Variants in SRC observed in about 807,000 individuals in gnomAD.
SRC encodes SRC proto-oncogene, non-receptor tyrosine kinase, also known as proto-oncogene tyrosine-protein kinase Src.
A neutral mutation model predicts 62.9 loss-of-function variants in SRC; 13 were observed. The ratio of observed to expected loss-of-function variants is 0.21; its 90% CI spans 0.13 to 0.33. The LOEUF is 0.33. Among genes scored for constraint, SRC ranks in the 10% least tolerant of loss-of-function variants. The pLI, the probability that SRC is intolerant of heterozygous loss-of-function variation, is 1.00. For synonymous variants in SRC, 302 were observed against 317.5 expected, an observed-to-expected ratio of 0.95 and a Z score of 0.52; for missense variants, 457 against 737.3, an observed-to-expected ratio of 0.62 and a Z score of 4.40.
chr20:37,373,373 T>C (rs1269420079), intron 2 of SRC, among the ~76,000 whole-genome samples: 1 of 147,658 alleles, frequency 6.8e-6, no homozygotes, highest in African/African-American at 2.6e-5. Flanking sequence ...CATACACATA[T>C]ATGTACATTA....
chr20:37,366,832 T>C (rs1221462939), intron 2 of SRC, among the ~76,000 whole-genome samples: 2 of 152,232 alleles, frequency 1.3e-5, no homozygotes, highest in Non-Finnish European at 2.9e-5. Flanking sequence ...TTCTGGACAT[T>C]CATGCACAAG....
chr20:37,369,975 T>G (rs1600975188), intron 2 of SRC, among the ~76,000 whole-genome samples: 1 of 152,202 alleles, frequency 6.6e-6, no homozygotes, highest in East Asian at 1.9e-4. Context: ...AATTTTTGTA[T>G]TTTTAGTAGA....
chr20:37,403,448 C>T lies in SRC; in HGVS notation c.*69C>T. On this transcript the variant is annotated 3_prime_UTR_variant, in exon 14 of 14. Coordinates refer to ENST00000373578, the MANE Select transcript of SRC (RefSeq NM_198291.3). This position sits in a 1 kb window ranked among gnomAD's most constrained non-coding sequence, Gnocchi z 7.1. ...TGGGTGGCCCCTGTCTCGGGGCTTG[C>T]CCCACTCTGCCTGCCTGCTGTTGGT... 1.4e-6 allele frequency: 2 copies of T among 1,453,190 alleles called. No individual in the cohort carries two copies. Among genetic ancestry groups the T allele is most frequent in the African/African-American group, 1.4e-5 (1 of 71,094 alleles). 90.0% of individuals were successfully genotyped at this position (1,453,190 alleles called of 1,614,324 possible).
At position 37,392,218 on chromosome 20, in the gene SRC, T is replaced by G. The variant is rs539654924; in HGVS notation, c.351-1677T>G. 5.3e-5 allele frequency among the ~76,000 whole-genome samples: 8 copies of G among 152,254 alleles called. No individual in the cohort carries two copies. In the South Asian group the frequency reaches 1.7e-3, roughly 32 times the overall value. On this transcript the variant is annotated intron_variant, in intron 5 of 13. Coordinates refer to ENST00000373578, the MANE Select transcript of SRC (RefSeq NM_198291.3). ...CCACACAGCCCCAGTCACACCCCCT[T>G]GCCTCACTCCATCAGGAGGGGACAC...
intron 1 of SRC, among the ~76,000 whole-genome samples, chr20:37,359,229 C>T (rs2069929259): frequency 6.6e-6 from 1 of 152,234 alleles, no homozygotes; most frequent in Admixed American, 6.5e-5. Context: ...TAGGTGGGGC[C>T]CATCCGTCGG....
intron 1 of SRC, among the ~76,000 whole-genome samples, chr20:37,347,418 G>A (rs939702225): frequency 6.6e-6 from 1 of 152,212 alleles, no homozygotes; most frequent in Non-Finnish European, 1.5e-5. Flanking sequence ...GTCCCTATAC[G>A]TGAAATGAGA....
At chr20:37,391,781 G>C (rs2147082972) in intron 5 of SRC, among the ~76,000 whole-genome samples, 1 of 152,298 alleles carries the variant, frequency 6.6e-6, no homozygotes, top group South Asian at 2.1e-4. Flanking sequence ...TTGAACCTGG[G>C]AGGTGAAGTT....
At position 37,403,347 on chromosome 20, in the gene SRC, G is replaced by C; in HGVS notation, c.1579G>C (p.Glu527Gln). The change falls in exon 14 of 14, where the codon GAG (glutamate) becomes CAG (glutamine). Residue 527 changes from glutamate to glutamine, a missense_variant. Glu to Gln is a conservative substitution (Grantham distance 29). This residue lies in a region of SRC where 168 missense variants were observed against 357.8 expected (regional missense o/e 0.47). Transcript: ENST00000373578. The surrounding 1 kb of genome is among the most constrained non-coding windows in gnomAD (Gnocchi z 7.1). ...CCTGGAGGACTACTTCACGTCCACC[G>C]AGCCCCAGTACCAGCCCGGGGAGAA... ...AFLEDYFTST[E>Q]PQYQPGENL 1 of 1,606,472 alleles carries C rather than the reference G, an allele frequency of 6.2e-7. No homozygotes were observed. Among genetic ancestry groups the C allele is most frequent in the Non-Finnish European group, 8.5e-7 (1 of 1,177,410 alleles).
chr20:37,368,464 A>C (rs1468244668), intron 2 of SRC, among the ~76,000 whole-genome samples: 4 of 125,994 alleles, frequency 3.2e-5, no homozygotes, highest in Non-Finnish European at 7.3e-5. Flanking sequence ...AACCAACCAA[A>C]CAAACAAAAA....
rs372725234 is a variant in SRC, at chr20:37,363,797, G to C, written c.-246-1407G>C. 4.6e-5 allele frequency among the ~76,000 whole-genome samples: 7 copies of C among 152,336 alleles called. No homozygotes were observed. In the East Asian group the frequency reaches 1.4e-3, roughly 29 times the overall value. On this transcript the variant is annotated intron_variant, in intron 1 of 13. Coordinates refer to ENST00000373578, the MANE Select transcript of SRC (RefSeq NM_198291.3). ...TCTGGGTGGCCGTCCCGGTTAGGGA[G>C]ACATGCAGAGCGTTAGGGATTGTCA...
At chr20:37,387,227 G>C (rs2070471062) in intron 5 of SRC, among the ~76,000 whole-genome samples, 1 of 152,218 alleles carries the variant, frequency 6.6e-6, no homozygotes, top group Non-Finnish European at 1.5e-5. Context: ...CCCTTTGCCT[G>C]AAATGCCCTT....
chr20:37,386,340 C>A, intron 5 of SRC, 166 bp downstream of exon 5: 2 of 749,020 alleles, frequency 2.7e-6, no homozygotes, highest in South Asian at 2.8e-5. Flanking sequence ...TCGCCCTGGG[C>A]AGCACCTGCT....
intron 4 of SRC, among the ~76,000 whole-genome samples, chr20:37,385,818 A>G (rs2070445747): frequency 6.6e-6 from 1 of 152,234 alleles, no homozygotes; most frequent in African/African-American, 2.4e-5. Context: ...GCCAGCACCC[A>G]GCACTGCCCA....
intron 1 of SRC, among the ~76,000 whole-genome samples, chr20:37,357,482 T>G (rs2146921802): frequency 6.6e-6 from 1 of 152,352 alleles, no homozygotes; most frequent in South Asian, 2.1e-4. Flanking sequence ...GGCCAGTGTC[T>G]GTTCTGACCC....
At chr20:37,373,278 A>G (rs879596332) in intron 2 of SRC, among the ~76,000 whole-genome samples, 1 of 151,840 alleles carries the variant, frequency 6.6e-6, no homozygotes, top group African/African-American at 2.4e-5. Flanking sequence ...GCACACACAC[A>G]CACACATATT....
At chr20:37,353,942 A>T (rs1314107326) in intron 1 of SRC, among the ~76,000 whole-genome samples, 1 of 152,202 alleles carries the variant, frequency 6.6e-6, no homozygotes, top group Non-Finnish European at 1.5e-5. Flanking sequence ...CATCTGAAAA[A>T]TGAGCCTAGT....
At chr20:37,389,586 G>A (rs2070513096) in intron 5 of SRC, among the ~76,000 whole-genome samples, 1 of 152,180 alleles carries the variant, frequency 6.6e-6, no homozygotes, top group Non-Finnish European at 1.5e-5. Flanking sequence ...CAGCTGTGGT[G>A]CACCAGCTCA....
intron 3 of SRC, among the ~76,000 whole-genome samples, chr20:37,383,059 A>G (rs1417039524): frequency 6.6e-6 from 1 of 152,212 alleles, no homozygotes; most frequent in Non-Finnish European, 1.5e-5. Context: ...GCCACACCCC[A>G]TGCTAGGCAC....
chr20:37,396,711 C>T lies in SRC; in HGVS notation c.703+400C>T. 5.0e-6 allele frequency: 1 copy of T among 201,114 alleles called. No homozygotes were observed. Among genetic ancestry groups the T allele is most frequent in the South Asian group, 1.1e-4 (1 of 9,202 alleles). The allele number at this position is 201,114 out of a possible 1,614,324, so 12.5% of individuals were successfully genotyped here. ...TTGCTGGGAGAGGAGGAGGGGGCGG[C>T]CAGATCGATTGCAGCAAAGAGGGAA... On this transcript the variant is annotated intron_variant, in intron 8 of 13. Coordinates refer to ENST00000373578, the MANE Select transcript of SRC (RefSeq NM_198291.3). This position sits in a 1 kb window ranked among gnomAD's most constrained non-coding sequence, Gnocchi z 6.1.
Sources: allele counts gnomAD v4.1 joint callset (sites outside exome capture counted in the v4.1 genomes callset), GRCh38; gene constraint gnomAD v4.1.1; regional missense constraint gnomAD v4.1.1; non-coding constraint Gnocchi (gnomAD v3.1); transcripts MANE v1.5; gene names NCBI Gene and HGNC (gene_info 2026-07-23, HGNC 2026-07-21).